FOXD3: variants seen among roughly 807,000 people sequenced by gnomAD.
FOXD3 encodes forkhead box protein D3.
In FOXD3, 3 loss-of-function variants were observed where a neutral mutation model predicts 3.6. The observed-to-expected ratio is 0.84, with a 90% CI of 0.38 to 2.18. The LOEUF (loss-of-function observed/expected upper bound fraction) is 2.18, where lower values mean the gene tolerates loss of function less well. Ranked by LOEUF, FOXD3 falls within the 30% of genes most tolerant of loss-of-function variation. FOXD3 has a pLI of 0.06. For missense variants in FOXD3, 686 were observed against 731.6 expected, an observed-to-expected ratio of 0.94 and a Z score of 0.72; for synonymous variants, 391 against 360.9, an observed-to-expected ratio of 1.08 and a Z score of -0.94.
In FOXD3 at chr1:63,324,284, G is replaced by A. The variant is rs770894763; in HGVS notation, c.1226G>A (p.Gly409Asp). ...GVAGGTGGSG[G>D]GSTAQSFLRP... ...GCCGGCGGCACTGGGGGTTCAGGGG[G>A]CGGCAGCACGGCGCAGTCGTTTCTG... The change falls in exon 1 of 1, where the codon GGC becomes GAC. Residue 409 changes from glycine to aspartate, a missense_variant. Gly to Asp is a moderately conservative substitution (Grantham distance 94, BLOSUM62 -1). This residue lies in a region of FOXD3 where 370 missense variants were observed against 372.3 expected (regional missense o/e 0.99). Transcript: ENST00000371116. The surrounding 1 kb of genome is among the most constrained non-coding windows in gnomAD (Gnocchi z 4.1). 7 of 1,521,830 alleles carry A rather than the reference G, an allele frequency of 4.6e-6. No individual in the cohort carries two copies. The African/African-American group carries it at 8.6e-5, about 19-fold the overall frequency. The allele number at this position is 1,521,830 out of a possible 1,614,324, so 94.3% of individuals were successfully genotyped here.
rs988467000 is a variant in FOXD3, at chr1:63,322,770, C to T, written c.-289C>T. Reference sequence around the variant, plus strand: ...TGAGGGGGCGCGGCGTGGAGAACCGCCGGGGCCGGGAGCGGTAGCGAGCGC... The same window carrying T: ...TGAGGGGGCGCGGCGTGGAGAACCGTCGGGGCCGGGAGCGGTAGCGAGCGC... On this transcript the variant is annotated 5_prime_UTR_variant, in exon 1 of 1. Coordinates refer to ENST00000371116, the MANE Select transcript of FOXD3 (RefSeq NM_012183.3). 8 of 985,266 alleles carry T rather than the reference C, an allele frequency of 8.1e-6. No individual in the cohort carries two copies. The African/African-American group carries it at 1.0e-4, about 13-fold the overall frequency. 61.0% of individuals were successfully genotyped at this position (985,266 alleles called of 1,614,324 possible).
In FOXD3 at chr1:63,322,945, C is replaced by T. The variant is rs1417647241; in HGVS notation, c.-114C>T. The T allele has an allele frequency of 1.5e-5, 21 of 1,402,138 alleles. No homozygotes were observed. Among genetic ancestry groups the T allele is most frequent in the Admixed American group, 3.0e-5 (1 of 33,572 alleles). 86.9% of individuals were successfully genotyped at this position (1,402,138 alleles called of 1,614,324 possible). On this transcript the variant is annotated 5_prime_UTR_variant, in exon 1 of 1. Coordinates refer to ENST00000371116, the MANE Select transcript of FOXD3 (RefSeq NM_012183.3). Reference sequence around the variant, plus strand: ...CCTGCGGCCCCCTCCCCTCTCCCTGCCCCCCATCTTTCGGGGGCACTCAAA... The same window carrying T: ...CCTGCGGCCCCCTCCCCTCTCCCTGTCCCCCATCTTTCGGGGGCACTCAAA...
In FOXD3 at chr1:63,324,452, C is replaced by A. The variant is rs1236138696; in HGVS notation, c.1394C>A (p.Ala465Asp). The change falls in exon 1 of 1, where the codon GCC (alanine) becomes GAC (aspartate). Residue 465 changes from alanine to aspartate, a missense_variant. Ala to Asp is a moderately radical substitution (Grantham distance 126). This residue lies in a region of FOXD3 where 370 missense variants were observed against 372.3 expected (regional missense o/e 0.99). Transcript: ENST00000371116. The surrounding 1 kb of genome is among the most constrained non-coding windows in gnomAD (Gnocchi z 4.1). ...CTGCAGCCCGCAGCCTCGGCCGCCG[C>A]CGCTGCTGCGGCCGCCGCTCAAGCC... ...QFLQPAASAA[A>D]AAAAAAQAKW... is the part of the protein sequence containing the mutation. 6.5e-7 allele frequency: 1 copy of A among 1,539,798 alleles called. No individual in the cohort carries two copies. Among genetic ancestry groups the A allele is most frequent in the African/African-American group, 1.4e-5 (1 of 72,954 alleles).
In FOXD3 at chr1:63,323,047, C is replaced by T; in HGVS notation, c.-12C>T. The T allele has an allele frequency of 6.5e-7, 1 of 1,527,446 alleles. No homozygotes were observed. The highest frequency in any genetic ancestry group is 1.2e-5 in the South Asian group (1 of 83,270). 94.6% of individuals were successfully genotyped at this position (1,527,446 alleles called of 1,614,324 possible). On this transcript the variant is annotated 5_prime_UTR_variant, in exon 1 of 1. Coordinates refer to ENST00000371116, the MANE Select transcript of FOXD3 (RefSeq NM_012183.3). This position sits in a 1 kb window ranked among gnomAD's most constrained non-coding sequence, Gnocchi z 6.8. ...GCCCCCTCCCCGCCGCCGCTACCAA[C>T]CCCGAGGAGGGATGACCCTCTCCGG...
chr1:63,324,444 G>GGCC lies in FOXD3; in HGVS notation c.1395_1397dup (p.Ala471dup), dbSNP rs1372234166. On this transcript the variant is annotated inframe_insertion, in exon 1 of 1. Coordinates refer to ENST00000371116, the MANE Select transcript of FOXD3 (RefSeq NM_012183.3). The surrounding 1 kb of genome is among the most constrained non-coding windows in gnomAD (Gnocchi z 4.1). ...GACAGTTTCTGCAGCCCGCAGCCTC[G>GGCC]GCCGCCGCCGCTGCTGCGGCCGCCG... 1.9e-6 allele frequency: 3 copies of GGCC among 1,542,508 alleles called. No individual in the cohort carries two copies. The highest frequency in any genetic ancestry group is 8.7e-7 in the Non-Finnish European group (1 of 1,151,668).
chr1:63,323,795 G>T lies in FOXD3; in HGVS notation c.737G>T (p.Arg246Leu). The T allele has an allele frequency of 1.2e-6, 2 of 1,612,668 alleles. No homozygotes were observed. The highest frequency in any genetic ancestry group is 1.7e-6 in the Non-Finnish European group (2 of 1,179,790). The change falls in exon 1 of 1, where the codon CGC becomes CTC. Residue 246 changes from arginine to leucine, a missense_variant. Transcript: ENST00000371116. This position sits in a 1 kb window ranked among gnomAD's most constrained non-coding sequence, Gnocchi z 6.8. ...AAGCGCCACCAGCAGGAGCACCTGC[G>T]CGAGCAGACGGCGCTCATGATGCAG... is the stretch of plus-strand genomic sequence containing the variant. ...RFKRHQQEHLREQTALMMQSF... is the reference protein window; with the variant it reads ...RFKRHQQEHLLEQTALMMQSF...
At position 63,322,642 on chromosome 1, in the gene FOXD3, C is replaced by T; in HGVS notation, c.-417C>T. On this transcript the variant is annotated 5_prime_UTR_variant, in exon 1 of 1. Coordinates refer to ENST00000371116, the MANE Select transcript of FOXD3 (RefSeq NM_012183.3). ...GCCCCCTGCCCCCCCGCTACTGTCC[C>T]TGCCCGCGCCCTCCCGAGCTGCTCG... The T allele has an allele frequency of 1.0e-6, 1 of 959,398 alleles. No individual in the cohort carries two copies. Among genetic ancestry groups the T allele is most frequent in the Non-Finnish European group, 1.2e-6 (1 of 806,450 alleles). The allele number at this position is 959,398 out of a possible 1,614,324, so 59.4% of individuals were successfully genotyped here.
chr1:63,323,435 C>T lies in FOXD3; in HGVS notation c.377C>T (p.Ser126Leu). Residue 126 changes from serine (S) to leucine (L), a missense_variant, in exon 1 of 1, where the codon TCG (serine) becomes TTG (leucine). Physicochemically the swap from Ser to Leu is moderately radical, Grantham distance 145. Transcript: ENST00000371116. The surrounding 1 kb of genome is among the most constrained non-coding windows in gnomAD (Gnocchi z 6.8). ...GGCGGGCCTGGCGCGGGCAGCGGTTCGGCGGGAGGCCTGGCCCCGAGCAAG... is the reference window on the plus strand; with the variant it reads ...GGCGGGCCTGGCGCGGGCAGCGGTTTGGCGGGAGGCCTGGCCCCGAGCAAG... Reference protein sequence around the residue: ...SGGGPGAGSGSAGGLAPSKPK... With the variant: ...SGGGPGAGSGLAGGLAPSKPK... 2 of 1,569,286 alleles carry T rather than the reference C, an allele frequency of 1.3e-6. No homozygotes were observed. Among genetic ancestry groups the T allele is most frequent in the African/African-American group, 1.4e-5 (1 of 71,514 alleles).
In FOXD3 at chr1:63,324,655, C is replaced by T. The variant is rs1647062104; in HGVS notation, c.*160C>T. 2 of 627,350 alleles carry T rather than the reference C, an allele frequency of 3.2e-6. No homozygotes were observed. The highest frequency in any genetic ancestry group is 5.6e-6 in the Non-Finnish European group (2 of 355,978). 38.9% of individuals were successfully genotyped at this position (627,350 alleles called of 1,614,324 possible). On this transcript the variant is annotated 3_prime_UTR_variant, in exon 1 of 1. Transcript: ENST00000371116. This position sits in a 1 kb window ranked among gnomAD's most constrained non-coding sequence, Gnocchi z 4.1. The stretch of plus-strand genomic sequence containing the variant: ...CTTTCCCCTGAGCCCCCAACGCCTA[C>T]CTTCCGCGGCCTCCATCCCCTCGCG...
chr1:63,325,122 A>G lies in FOXD3; in HGVS notation c.*627A>G, dbSNP rs754179227. ...ACAACTTTGTAAATAAATTTTTAAAATGCCCAGCCTAGTGTTTTATTTAGT... is the reference window on the plus strand; with the variant it reads ...ACAACTTTGTAAATAAATTTTTAAAGTGCCCAGCCTAGTGTTTTATTTAGT... On this transcript the variant is annotated 3_prime_UTR_variant, in exon 1 of 1. Transcript: ENST00000371116. 115 of 166,654 alleles carry G rather than the reference A, an allele frequency of 6.9e-4. 1 individual carries two copies. The highest frequency in any genetic ancestry group is 7.6e-4 in the Non-Finnish European group (52 of 68,124). The allele number at this position is 166,654 out of a possible 1,614,324, so 10.3% of individuals were successfully genotyped here.
rs1054204837 is a variant in FOXD3 at position 63,322,908 on chromosome 1, G to A, written c.-151G>A. 1.4e-6 allele frequency: 2 copies of A among 1,388,806 alleles called. No homozygotes were observed. Among genetic ancestry groups the A allele is most frequent in the Non-Finnish European group, 1.9e-6 (2 of 1,078,220 alleles). 86.0% of individuals were successfully genotyped at this position (1,388,806 alleles called of 1,614,324 possible). On this transcript the variant is annotated 5_prime_UTR_variant, in exon 1 of 1. Transcript: ENST00000371116. ...CGCCGAGTGTGAGCTGAGCCCAGCGGGCCCCAAGCCACCTGCGGCCCCCTC... is the reference window on the plus strand; with the variant it reads ...CGCCGAGTGTGAGCTGAGCCCAGCGAGCCCCAAGCCACCTGCGGCCCCCTC...
chr1:63,324,268 A>G lies in FOXD3; in HGVS notation c.1210A>G (p.Thr404Ala). Residue 404 changes from threonine (T) to alanine (A), a missense_variant, in exon 1 of 1, where the codon ACT becomes GCT. By Grantham distance (58) the Thr-to-Ala change is moderately conservative. Transcript: ENST00000371116. This position sits in a 1 kb window ranked among gnomAD's most constrained non-coding sequence, Gnocchi z 4.1. Reference protein sequence around the residue: ...SAVGAGVAGGTGGSGGGSTAQ... With the variant: ...SAVGAGVAGGAGGSGGGSTAQ... Reference sequence around the variant, plus strand: ...GGTGGGCGCTGGGGTCGCCGGCGGCACTGGGGGTTCAGGGGGCGGCAGCAC... The same window carrying G: ...GGTGGGCGCTGGGGTCGCCGGCGGCGCTGGGGGTTCAGGGGGCGGCAGCAC... 6.7e-7 allele frequency: 1 copy of G among 1,497,390 alleles called. No individual in the cohort carries two copies. The highest frequency in any genetic ancestry group is 2.7e-5 in the East Asian group (1 of 36,706). The allele number at this position is 1,497,390 out of a possible 1,614,324, so 92.8% of individuals were successfully genotyped here. A position where few individuals can be genotyped will look rare whatever the true frequency, so the allele number is the denominator to read the frequency against.
Position 63,323,091 on chromosome 1 carries a change from C to G in FOXD3, c.33C>G (p.Asp11Glu). MTLSGGGSAS[D>E]MSGQTVLTAE... ...TCTCCGGCGGCGGCAGCGCCAGCGA[C>G]ATGTCCGGCCAGACGGTGCTGACGG... Residue 11 changes from aspartate (D) to glutamate (E), a missense_variant, in exon 1 of 1, where the codon GAC becomes GAG. This residue lies in a region of FOXD3 where 232 missense variants were observed against 214.0 expected (regional missense o/e 1.08). Coordinates refer to ENST00000371116, the MANE Select transcript of FOXD3 (RefSeq NM_012183.3). The surrounding 1 kb of genome is among the most constrained non-coding windows in gnomAD (Gnocchi z 6.8). 6.4e-7 allele frequency: 1 copy of G among 1,559,652 alleles called. No homozygotes were observed. The highest frequency in any genetic ancestry group is 1.2e-5 in the South Asian group (1 of 85,302).
At position 63,324,453 on chromosome 1, in the gene FOXD3, C is replaced by G. The variant is rs779197983; in HGVS notation, c.1395C>G (p.Ala465=). ...TGCAGCCCGCAGCCTCGGCCGCCGC[C>G]GCTGCTGCGGCCGCCGCTCAAGCCA... ...QFLQPAASAA[A]AAAAAAQAKW... Residue 465 remains alanine (A), a synonymous_variant, in exon 1 of 1, where the codon GCC becomes GCG. Transcript: ENST00000371116. This position sits in a 1 kb window ranked among gnomAD's most constrained non-coding sequence, Gnocchi z 4.1. The G allele has an allele frequency of 6.5e-7, 1 of 1,539,064 alleles. No homozygotes were observed. The highest frequency in any genetic ancestry group is 8.7e-7 in the Non-Finnish European group (1 of 1,149,362).
In FOXD3 at chr1:63,324,321, G is replaced by C. The variant is rs1462971326; in HGVS notation, c.1263G>C (p.Gly421=). ...STAQSFLRPP[G]TVQSAALMAT... ...CGCAGTCGTTTCTGCGGCCACCCGGGACCGTGCAGTCGGCAGCGCTCATGG... is the reference window on the plus strand; with the variant it reads ...CGCAGTCGTTTCTGCGGCCACCCGGCACCGTGCAGTCGGCAGCGCTCATGG... The change falls in exon 1 of 1, where the codon GGG becomes GGC. Residue 421 remains glycine, a synonymous_variant. Coordinates refer to ENST00000371116, the MANE Select transcript of FOXD3 (RefSeq NM_012183.3). This position sits in a 1 kb window ranked among gnomAD's most constrained non-coding sequence, Gnocchi z 4.1. The C allele has an allele frequency of 4.2e-5, 67 of 1,576,820 alleles. No homozygotes were observed. The highest frequency in any genetic ancestry group is 5.6e-5 in the Non-Finnish European group (65 of 1,170,560).
Position 63,323,645 on chromosome 1 carries a change from A to T in FOXD3, c.587A>T (p.Asn196Ile), listed in dbSNP as rs1647047471. 1 of 1,613,944 alleles carries T rather than the reference A, an allele frequency of 6.2e-7. No individual in the cohort carries two copies. The highest frequency in any genetic ancestry group is 2.2e-5 in the East Asian group (1 of 44,832). Residue 196 changes from asparagine (N) to isoleucine (I), a missense_variant, in exon 1 of 1, where the codon AAC (asparagine) becomes ATC (isoleucine). Around this residue, in one of 3 missense-constraint regions of FOXD3, gnomAD observed 84 missense variants for 145.2 expected, o/e 0.58. Transcript: ENST00000371116. This position sits in a 1 kb window ranked among gnomAD's most constrained non-coding sequence, Gnocchi z 6.8. The part of the protein sequence containing the change: ...QNSIRHNLSL[N>I]DCFVKIPREP... ...AGCATCCGCCACAACCTCTCACTCAACGACTGCTTCGTCAAGATCCCCCGC... is the reference window on the plus strand; with the variant it reads ...AGCATCCGCCACAACCTCTCACTCATCGACTGCTTCGTCAAGATCCCCCGC...
At position 63,322,958 on chromosome 1, in the gene FOXD3, G is replaced by A. The variant is rs891022337; in HGVS notation, c.-101G>A. On this transcript the variant is annotated 5_prime_UTR_variant, in exon 1 of 1. Coordinates refer to ENST00000371116, the MANE Select transcript of FOXD3 (RefSeq NM_012183.3). ...CCCCTCTCCCTGCCCCCCATCTTTC[G>A]GGGGCACTCAAACCCTCTTCCCCTG... 5.7e-5 allele frequency: 80 copies of A among 1,402,748 alleles called. No homozygotes were observed. Among genetic ancestry groups the A allele is most frequent in the Middle Eastern group, 2.6e-4 (1 of 3,854 alleles). The allele number at this position is 1,402,748 out of a possible 1,614,324, so 86.9% of individuals were successfully genotyped here.
Position 63,324,091 on chromosome 1 carries a change from C to A in FOXD3, c.1033C>A (p.Leu345Ile). The A allele has an allele frequency of 7.0e-7, 1 of 1,427,572 alleles. No homozygotes were observed. The highest frequency in any genetic ancestry group is 9.1e-7 in the Non-Finnish European group (1 of 1,103,850). 88.4% of individuals were successfully genotyped at this position (1,427,572 alleles called of 1,614,324 possible). Reference sequence around the variant, plus strand: ...GCTCGGCCCGGGCCTGCAGCTGCAGCTCAATAGCCTGGGCGCCGCCGCGGC... The same window carrying A: ...GCTCGGCCCGGGCCTGCAGCTGCAGATCAATAGCCTGGGCGCCGCCGCGGC... ...SQLGPGLQLQ[L>I]NSLGAAAAAA... The change falls in exon 1 of 1, where the codon CTC (leucine) becomes ATC (isoleucine). Residue 345 changes from leucine to isoleucine, a missense_variant. Around this residue, in one of 3 missense-constraint regions of FOXD3, gnomAD observed 370 missense variants for 372.3 expected, o/e 0.99. Coordinates refer to ENST00000371116, the MANE Select transcript of FOXD3 (RefSeq NM_012183.3). The surrounding 1 kb of genome is among the most constrained non-coding windows in gnomAD (Gnocchi z 4.1).
In FOXD3 at chr1:63,322,839, C is replaced by A. The variant is rs991039336; in HGVS notation, c.-220C>A. Reference sequence around the variant, plus strand: ...GACGGCAGGAGTTCGCGGAGCGCGGCCGCTGGGGGCGGACGGCAGAGCCCG... The same window carrying A: ...GACGGCAGGAGTTCGCGGAGCGCGGACGCTGGGGGCGGACGGCAGAGCCCG... On this transcript the variant is annotated 5_prime_UTR_variant, in exon 1 of 1. Coordinates refer to ENST00000371116, the MANE Select transcript of FOXD3 (RefSeq NM_012183.3). 5.1e-6 allele frequency: 5 copies of A among 985,278 alleles called. No individual in the cohort carries two copies. The African/African-American group carries it at 8.7e-5, about 17-fold the overall frequency. 61.0% of individuals were successfully genotyped at this position (985,278 alleles called of 1,614,324 possible).
Sources: gnomAD v4.1 joint callset for allele counts on GRCh38, gnomAD v4.1.1 for gene constraint, gnomAD v4.1.1 regional missense constraint, Gnocchi (gnomAD v3.1) non-coding constraint, MANE v1.5 for transcripts, NCBI Gene and HGNC (gene_info 2026-07-23, HGNC 2026-07-21) for gene names.